MFHAS1: variants seen among roughly 807,000 people sequenced by gnomAD.
MFHAS1 encodes the protein multifunctional ROCO family signaling regulator 1, also known as malignant fibrous histiocytoma-amplified sequence 1.
In MFHAS1, 50 loss-of-function variants were observed where a neutral mutation model predicts 70.4. The observed-to-expected ratio is 0.71, with a 90% CI of 0.57 to 0.90. MFHAS1 has a LOEUF of 0.90. MFHAS1 is among the 40% of genes least tolerant of loss of function. MFHAS1 has a pLI of 0.00. For synonymous variants in MFHAS1, 952 were observed against 620.0 expected (o/e 1.54, Z -7.96); for missense variants, 1,795 against 1,347.6 (o/e 1.33, Z -5.20).
Position 8,893,033 on chromosome 8 carries a change from A to T in MFHAS1, c.26T>A (p.Leu9Gln), listed in dbSNP as rs1371100654. The T allele has an allele frequency of 6.5e-7, 1 of 1,530,604 alleles. No individual in the cohort carries two copies. The highest frequency in any genetic ancestry group is 1.2e-5 in the South Asian group (1 of 83,576). The allele number at this position is 1,530,604 out of a possible 1,614,324, so 94.8% of individuals were successfully genotyped here. Reference protein sequence around the residue: MAGMDSGNLKTARLWRDAA... With the variant: MAGMDSGNQKTARLWRDAA... ...GTCCCGCCACAGCCTCGCGGTCTTCAGGTTGCCACTGTCCATCCCAGCCAT... is the reference window on the plus strand; with the variant it reads ...GTCCCGCCACAGCCTCGCGGTCTTCTGGTTGCCACTGTCCATCCCAGCCAT... Residue 9 changes from leucine (L) to glutamine (Q), a missense_variant, in exon 1 of 3, where the codon CTG (leucine) becomes CAG (glutamine). Coordinates refer to ENST00000276282, the MANE Select transcript of MFHAS1 (RefSeq NM_004225.3).
At position 8,825,939 on chromosome 8, in the gene MFHAS1, C is replaced by G. The variant is rs1807141231; in HGVS notation, c.2999-28448G>C. ...AGGTAGAAGGAGCCTAAGATACTAT[C>G]TATTCTAGCCTCTCATTTTGCAGTT... is the stretch of plus-strand genomic sequence containing the variant. On this transcript the variant is annotated intron_variant, in intron 1 of 2. Coordinates refer to ENST00000276282, the MANE Select transcript of MFHAS1 (RefSeq NM_004225.3). Among the ~76,000 whole-genome samples, 4 of 152,164 alleles carry G rather than the reference C, an allele frequency of 2.6e-5. No homozygotes were observed. The South Asian group carries it at 8.3e-4, about 32-fold the overall frequency.
Position 8,785,981 on chromosome 8 carries a change from G to A in MFHAS1, c.*41C>T. ...GTGCAAAAGATGGTCCAGGTGTTCA[G>A]ATGCTCTCTTTTCTCCATGGAAATT... On this transcript the variant is annotated 3_prime_UTR_variant, in exon 3 of 3. Coordinates refer to ENST00000276282, the MANE Select transcript of MFHAS1 (RefSeq NM_004225.3). The A allele has an allele frequency of 1.2e-6, 2 of 1,609,562 alleles. No homozygotes were observed. The highest frequency in any genetic ancestry group is 1.7e-6 in the Non-Finnish European group (2 of 1,175,992).
rs1434415488 is a variant in MFHAS1, at chr8:8,890,258, C to T, written c.2801G>A (p.Gly934Glu). ...PVVVSYRPAR[G>E]VLQPDTLSIA... is the part of the protein sequence containing the mutation. ...GGACAGGGTGTCTGGCTGCAGGACT[C>T]CCCTGGCAGGTCTGTAACTCACAAC... The change falls in exon 1 of 3, where the codon GGA becomes GAA. Residue 934 changes from glycine (G) to glutamate (E), a missense_variant. Transcript: ENST00000276282. The T allele has an allele frequency of 2.5e-6, 4 of 1,614,118 alleles. No homozygotes were observed. The highest frequency in any genetic ancestry group is 1.6e-4 in the Middle Eastern group (1 of 6,062).
intron 1 of MFHAS1, among the ~76,000 whole-genome samples, chr8:8,832,221 C>T (rs951211011): frequency 3.3e-5 from 5 of 151,806 alleles, no homozygotes; most frequent in African/African-American, 7.3e-5. Flanking sequence ...CAGAAGACTT[C>T]GACAAATTGA....
At chr8:8,806,781 T>A (rs926137041) in intron 1 of MFHAS1, among the ~76,000 whole-genome samples, 10 of 152,038 alleles carry the variant, frequency 6.6e-5, no homozygotes, top group African/African-American at 2.4e-4. Context: ...GCCAACATGT[T>A]GAAACCCCAT....
At chr8:8,807,882 TATATAGTG>T (rs1391922962) in intron 1 of MFHAS1, among the ~76,000 whole-genome samples, 1 of 152,268 alleles carries the variant, frequency 6.6e-6, no homozygotes, top group Non-Finnish European at 1.5e-5. Context: ...TGTATCACTA[TATATAGTG>T]ATATATTTAG....
intron 1 of MFHAS1, among the ~76,000 whole-genome samples, chr8:8,813,686 G>C (rs1208203781): frequency 6.6e-6 from 1 of 152,144 alleles, no homozygotes; most frequent in Non-Finnish European, 1.5e-5. Flanking sequence ...AAGTGTTACT[G>C]TAAGAATCAA....
At chr8:8,870,179 G>A (rs1399244201) in intron 1 of MFHAS1, among the ~76,000 whole-genome samples, 1 of 151,548 alleles carries the variant, frequency 6.6e-6, no homozygotes, top group East Asian at 1.9e-4. Context: ...CACGGGATAT[G>A]TACAGTGGTT....
intron 1 of MFHAS1, among the ~76,000 whole-genome samples, chr8:8,811,029 C>G (rs1806527504): frequency 6.6e-6 from 1 of 152,162 alleles, no homozygotes; most frequent in Admixed American, 6.5e-5. Flanking sequence ...GCTCAACTTT[C>G]TCCTTTTGCT....
Position 8,891,832 on chromosome 8 carries a change from C to A in MFHAS1, c.1227G>T (p.Arg409=). Reference sequence around the variant, plus strand: ...TATGCCCCATCAGGAGCAGCTTGAGCCGGGGCTGCACCGCCGGCTGGGAAT... The same window carrying A: ...TATGCCCCATCAGGAGCAGCTTGAGACGGGGCTGCACCGCCGGCTGGGAAT... ...LAHSQPAVQP[R]LKLLLMGHKA... Residue 409 remains arginine, a synonymous_variant, in exon 1 of 3, where the codon CGG becomes CGT. Transcript: ENST00000276282. This position sits in a 1 kb window ranked among gnomAD's most constrained non-coding sequence, Gnocchi z 5.4. 7 of 1,612,954 alleles carry A rather than the reference C, an allele frequency of 4.3e-6. No individual in the cohort carries two copies. The highest frequency in any genetic ancestry group is 5.9e-6 in the Non-Finnish European group (7 of 1,179,862).
In MFHAS1 at chr8:8,785,976, G is replaced by A. The variant is rs1429298870; in HGVS notation, c.*46C>T. The A allele has an allele frequency of 1.2e-6, 2 of 1,604,276 alleles. No homozygotes were observed. Among genetic ancestry groups the A allele is most frequent in the African/African-American group, 1.3e-5 (1 of 74,742 alleles). ...GCCAGGTGCAAAAGATGGTCCAGGT[G>A]TTCAGATGCTCTCTTTTCTCCATGG... On this transcript the variant is annotated 3_prime_UTR_variant, in exon 3 of 3. Transcript: ENST00000276282.
chr8:8,796,195 G>A (rs961246979), intron 2 of MFHAS1, among the ~76,000 whole-genome samples: 4 of 152,180 alleles, frequency 2.6e-5, no homozygotes, highest in Non-Finnish European at 5.9e-5. Flanking sequence ...CTTGGCATGT[G>A]TGCGTTCTCT....
intron 1 of MFHAS1, among the ~76,000 whole-genome samples, chr8:8,856,199 T>C (rs1027273777): frequency 5.3e-5 from 8 of 152,204 alleles, no homozygotes; most frequent in African/African-American, 1.9e-4. Context: ...TAGATCTTTT[T>C]GCTCCAGCAG....
At position 8,892,708 on chromosome 8, in the gene MFHAS1, G is replaced by A. The variant is rs770759826; in HGVS notation, c.351C>T (p.Asp117=). 5.1e-6 allele frequency: 8 copies of A among 1,579,722 alleles called. No individual in the cohort carries two copies. In the African/African-American group the frequency reaches 1.1e-4, roughly 21 times the overall value. ...AELGHHLTEL[D]VSHNRLTALG... The stretch of plus-strand genomic sequence containing the variant: ...GGGCGGTCAGCCGGTTGTGGCTCAC[G>A]TCCAGCTCGGTGAGGTGGTGGCCGA... The change falls in exon 1 of 3, where the codon GAC becomes GAT. Residue 117 remains aspartate (D), a synonymous_variant. Coordinates refer to ENST00000276282, the MANE Select transcript of MFHAS1 (RefSeq NM_004225.3). This position sits in a 1 kb window ranked among gnomAD's most constrained non-coding sequence, Gnocchi z 4.7.
intron 1 of MFHAS1, among the ~76,000 whole-genome samples, chr8:8,820,157 GAAAT>G (rs1186392169): frequency 1.3e-5 from 2 of 152,028 alleles, no homozygotes; most frequent in Non-Finnish European, 2.9e-5. Flanking sequence ...TTTGAATAAG[GAAAT>G]AAATATAAAG....
Position 8,892,714 on chromosome 8 carries a change from C to A in MFHAS1, c.345G>T (p.Glu115Asp). 3 of 1,552,680 alleles carry A rather than the reference C, an allele frequency of 1.9e-6. No individual in the cohort carries two copies. The highest frequency in any genetic ancestry group is 2.6e-6 in the Non-Finnish European group (3 of 1,148,250). Reference sequence around the variant, plus strand: ...TCAGCCGGTTGTGGCTCACGTCCAGCTCGGTGAGGTGGTGGCCGAGCTCGG... The same window carrying A: ...TCAGCCGGTTGTGGCTCACGTCCAGATCGGTGAGGTGGTGGCCGAGCTCGG... Reference protein sequence around the residue: ...AVAELGHHLTELDVSHNRLTA... With the variant: ...AVAELGHHLTDLDVSHNRLTA... The change falls in exon 1 of 3, where the codon GAG becomes GAT. Residue 115 changes from glutamate (E) to aspartate (D), a missense_variant. Transcript: ENST00000276282. The surrounding 1 kb of genome is among the most constrained non-coding windows in gnomAD (Gnocchi z 4.7).
intron 1 of MFHAS1, among the ~76,000 whole-genome samples, chr8:8,834,435 C>T (rs141106899): frequency 8.4e-4 from 128 of 152,338 alleles, no homozygotes; most frequent in Admixed American, 7.8e-3. Flanking sequence ...GCTCCATTCA[C>T]GAGACGTGCC....
At chr8:8,797,320 G>C in intron 2 of MFHAS1, 45 bp downstream of exon 2, 21 of 1,608,176 alleles carry the variant, frequency 1.3e-5, no homozygotes, top group Non-Finnish European at 1.5e-5. Context: ...ATGGAGCTGG[G>C]ATCAGGAGCC....
intron 1 of MFHAS1, among the ~76,000 whole-genome samples, chr8:8,884,041 AACACACACACAC>A (rs10660555): frequency 1.4e-3 from 185 of 134,176 alleles, no homozygotes; most frequent in Non-Finnish European, 2.2e-3. Flanking sequence ...CTATTTCACA[AACACACACACAC>A]ACACACACAC....
Sources: gnomAD v4.1 joint callset for allele counts (sites outside exome capture counted in the v4.1 genomes callset) on GRCh38, gnomAD v4.1.1 for gene constraint, Gnocchi (gnomAD v3.1) non-coding constraint, MANE v1.5 for transcripts, NCBI Gene and HGNC (gene_info 2026-07-23, HGNC 2026-07-21) for gene names.